SLC24A2: variants seen among roughly 807,000 people sequenced by gnomAD.
The protein encoded by SLC24A2 is solute carrier family 24 member 2, also known as sodium/potassium/calcium exchanger 2.
Under a neutral mutation model 62.0 loss-of-function variants are expected in SLC24A2, and 36 were observed. That is an observed-to-expected ratio of 0.58 (90% CI 0.44 to 0.77). The LOEUF is 0.77. SLC24A2 is among the 30% of genes least tolerant of loss of function. The probability of loss-of-function intolerance (pLI) is 0.00; values close to 1 mark genes in which losing one functional copy is unlikely to be tolerated. For missense variants in SLC24A2, 846 were observed against 817.9 expected (o/e 1.03, Z -0.42); for synonymous variants, 358 against 294.0 (o/e 1.22, Z -2.23).
intron 2 of SLC24A2, among the ~76,000 whole-genome samples, chr9:19,729,471 T>C (rs1821271222): frequency 6.6e-6 from 1 of 152,150 alleles, no homozygotes; most frequent in African/African-American, 2.4e-5. Context: ...TAAACCTAGG[T>C]GTCCAATAAC....
chr9:19,950,610 T>A, the SLC24A2 span, among the ~76,000 whole-genome samples: 2 of 152,240 alleles, frequency 1.3e-5, no homozygotes, highest in East Asian at 3.8e-4. Context: ...GAACATTTAT[T>A]AAGCATATAC....
At position 19,786,946 on chromosome 9, in the gene SLC24A2, T is replaced by G; in HGVS notation, c.-80A>C. 1 of 1,563,332 alleles carries G rather than the reference T, an allele frequency of 6.4e-7. No individual in the cohort carries two copies. The highest frequency in any genetic ancestry group is 8.6e-7 in the Non-Finnish European group (1 of 1,162,316). ...TTCTTTCATACTTTTCCTTACTTTA[T>G]AGTTAACGATGCTTGTGGGGTACTT... On this transcript the variant is annotated 5_prime_UTR_variant, in exon 2 of 11. Coordinates refer to ENST00000341998, the MANE Select transcript of SLC24A2 (RefSeq NM_020344.4). The surrounding 1 kb of genome is among the most constrained non-coding windows in gnomAD (Gnocchi z 5.0).
the SLC24A2 span, among the ~76,000 whole-genome samples, chr9:20,073,315 T>G: frequency 6.6e-6 from 1 of 152,200 alleles, no homozygotes; most frequent in Non-Finnish European, 1.5e-5. Flanking sequence ...GACCTCTAGA[T>G]GATCTGTTTA....
At chr9:20,047,825 T>TCCTA in the SLC24A2 span, among the ~76,000 whole-genome samples, 24 of 151,492 alleles carry the variant, frequency 1.6e-4, no homozygotes, top group African/African-American at 5.6e-4. Flanking sequence ...AACATGAGTT[T>TCCTA]TGGGGAGACA....
upstream of SLC24A2, among the ~76,000 whole-genome samples, chr9:19,791,280 A>G (rs1823317862): frequency 6.6e-6 from 1 of 152,130 alleles, no homozygotes; most frequent in Non-Finnish European, 1.5e-5. Context: ...TGAAAGGCAG[A>G]AGGCCTCCTT....
At chr9:20,083,304 C>T in the SLC24A2 span, among the ~76,000 whole-genome samples, 1 of 152,210 alleles carries the variant, frequency 6.6e-6, no homozygotes, top group Non-Finnish European at 1.5e-5. Context: ...GTTCCACCTT[C>T]CCAGCAGTTG....
chr9:20,113,461 G>T, the SLC24A2 span, among the ~76,000 whole-genome samples: 3 of 152,218 alleles, frequency 2.0e-5, no homozygotes, highest in African/African-American at 7.2e-5. Flanking sequence ...TTATGATGAT[G>T]ATTATTATGT....
chr9:19,735,420 T>C (rs559359054), intron 2 of SLC24A2, among the ~76,000 whole-genome samples: 1 of 152,164 alleles, frequency 6.6e-6, no homozygotes, highest in African/African-American at 2.4e-5. Context: ...GACTGTAAAC[T>C]AGTTCAACCA....
the SLC24A2 span, among the ~76,000 whole-genome samples, chr9:19,953,363 A>G: frequency 2.6e-5 from 4 of 152,080 alleles, no homozygotes; most frequent in African/African-American, 7.2e-5. Flanking sequence ...ATAGTTTTCA[A>G]TGTGTTCAGC....
At chr9:19,865,659 A>T in the SLC24A2 span, among the ~76,000 whole-genome samples, 4 of 152,292 alleles carry the variant, frequency 2.6e-5, no homozygotes, top group East Asian at 5.8e-4. Flanking sequence ...ACAGAAGAAT[A>T]AAACAAGACC....
At chr9:20,269,993 T>C in the SLC24A2 span, among the ~76,000 whole-genome samples, 1 of 152,226 alleles carries the variant, frequency 6.6e-6, no homozygotes, top group Non-Finnish European at 1.5e-5. Context: ...TTTTTCATGC[T>C]GCATCATAAC....
chr9:20,193,938 G>C, the SLC24A2 span, among the ~76,000 whole-genome samples: 5 of 152,064 alleles, frequency 3.3e-5, no homozygotes, highest in African/African-American at 1.2e-4. Flanking sequence ...CAGACTTTAA[G>C]ATTTATCAAA....
chr9:20,234,555 C>A, the SLC24A2 span, among the ~76,000 whole-genome samples: 1 of 152,192 alleles, frequency 6.6e-6, no homozygotes, highest in Non-Finnish European at 1.5e-5. Context: ...ACGTAGCTCT[C>A]GTGCCTTGGT....
the SLC24A2 span, among the ~76,000 whole-genome samples, chr9:19,833,834 G>A: frequency 3.9e-5 from 6 of 152,252 alleles, no homozygotes; most frequent in Non-Finnish European, 7.3e-5. Flanking sequence ...CCAACTAGGG[G>A]CGGACTGACA....
the SLC24A2 span, among the ~76,000 whole-genome samples, chr9:19,980,508 T>C: frequency 6.6e-6 from 1 of 152,138 alleles, no homozygotes; most frequent in Non-Finnish European, 1.5e-5. Flanking sequence ...AGTAAGTCTT[T>C]CTGGCACATA....
chr9:19,983,527 C>T, the SLC24A2 span, among the ~76,000 whole-genome samples: 1 of 152,284 alleles, frequency 6.6e-6, no homozygotes, highest in East Asian at 1.9e-4. Flanking sequence ...CCTGTAGTCC[C>T]AGCTGCTCGG....
chr9:19,761,021 T>C (rs1360144641), intron 2 of SLC24A2, among the ~76,000 whole-genome samples: 1 of 151,998 alleles, frequency 6.6e-6, no homozygotes, highest in Non-Finnish European at 1.5e-5. Context: ...ATGTAACAAA[T>C]CTGCATGTTG....
chr9:19,760,194 T>C (rs576035763), intron 2 of SLC24A2, among the ~76,000 whole-genome samples: 1 of 152,076 alleles, frequency 6.6e-6, no homozygotes, highest in Non-Finnish European at 1.5e-5. Flanking sequence ...GCTCCCTCCT[T>C]ACTATTAAAA....
At chr9:20,150,754 A>ATTATATT in the SLC24A2 span, among the ~76,000 whole-genome samples, 43 of 151,954 alleles carry the variant, frequency 2.8e-4, no homozygotes, top group Non-Finnish European at 5.3e-4. Flanking sequence ...TGAAAAAGTT[A>ATTATATT]TACAACTATT....
Sources: allele counts gnomAD v4.1 joint callset (sites outside exome capture counted in the v4.1 genomes callset), GRCh38; gene constraint gnomAD v4.1.1; non-coding constraint Gnocchi (gnomAD v3.1); transcripts MANE v1.5; gene names NCBI Gene and HGNC (gene_info 2026-07-23, HGNC 2026-07-21).